The following TIGAR variants were observed in gnomAD, a reference collection of about 807,000 sequenced individuals.
The protein encoded by TIGAR is TP53 induced glycolysis regulatory phosphatase, also known as fructose-2,6-bisphosphatase TIGAR.
TIGAR carries 7 observed loss-of-function variants against 17.9 expected under a neutral mutation model. That is an observed-to-expected ratio of 0.39 (90% CI 0.22 to 0.73). The LOEUF (loss-of-function observed/expected upper bound fraction) is 0.73. TIGAR is among the 30% of genes least tolerant of loss of function. TIGAR has a pLI of 0.42. For missense variants in TIGAR, 258 were observed against 327.4 expected (o/e 0.79, Z 1.64); for synonymous variants, 94 against 108.6 (o/e 0.87, Z 0.84).
chr12:4,345,348 A>G (rs1254242481), intron 3 of TIGAR, among the ~76,000 whole-genome samples: 2 of 152,348 alleles, frequency 1.3e-5, no homozygotes, highest in Admixed American at 6.5e-5. Flanking sequence ...ACGCTACCTG[A>G]CTTCAAACTA....
At chr12:4,344,675 GC>G (rs1864760760) in intron 3 of TIGAR, among the ~76,000 whole-genome samples, 1 of 152,038 alleles carries the variant, frequency 6.6e-6, no homozygotes, top group African/African-American at 2.4e-5. Flanking sequence ...AAATTCAACA[GC>G]CCTTCATGCT....
rs181510958 is a variant in TIGAR, at chr12:4,358,490, G to A, written c.*5799G>A. 3.5e-4 allele frequency among the ~76,000 whole-genome samples: 54 copies of A among 152,208 alleles called. No homozygotes were observed. The highest frequency in any genetic ancestry group is 3.1e-3 in the East Asian group (16 of 5,190). On this transcript the variant is annotated 3_prime_UTR_variant, in exon 6 of 6. Coordinates refer to ENST00000179259, the MANE Select transcript of TIGAR (RefSeq NM_020375.3). Reference sequence around the variant, plus strand: ...CACTTGCTTACCTGTTGTCCCACTTGCTTTGCCATTTTTTCTCTCTCCCTC... The same window carrying A: ...CACTTGCTTACCTGTTGTCCCACTTACTTTGCCATTTTTTCTCTCTCCCTC...
At chr12:4,332,662 A>G (rs1864616982) in intron 2 of TIGAR, among the ~76,000 whole-genome samples, 1 of 152,220 alleles carries the variant, frequency 6.6e-6, no homozygotes, top group Admixed American at 6.5e-5. Context: ...GACTTCCATT[A>G]TAAATGCTTT....
Position 4,353,946 on chromosome 12 carries a change from C to G in TIGAR, c.*1255C>G, listed in dbSNP as rs1864867986. ...AGGTGAGGTTGCCTCTTCTTTCCAC[C>G]AGATGGCACTGGAGAAAAGGGATTT... On this transcript the variant is annotated 3_prime_UTR_variant, in exon 6 of 6. Coordinates refer to ENST00000179259, the MANE Select transcript of TIGAR (RefSeq NM_020375.3). 1 of 152,508 alleles carries G rather than the reference C, an allele frequency of 6.6e-6. No individual in the cohort carries two copies. The highest frequency in any genetic ancestry group is 6.6e-5 in the Admixed American group (1 of 15,266). 9.4% of individuals were successfully genotyped at this position (152,508 alleles called of 1,614,324 possible).
At chr12:4,341,044 C>T (rs1178766799) in intron 3 of TIGAR, among the ~76,000 whole-genome samples, 3 of 152,138 alleles carry the variant, frequency 2.0e-5, no homozygotes, top group African/African-American at 7.2e-5. Flanking sequence ...CAAATGGGAT[C>T]ACATCAAGTT....
chr12:4,335,106 TGACTC>T (rs1188462458), intron 2 of TIGAR, among the ~76,000 whole-genome samples: 1 of 152,090 alleles, frequency 6.6e-6, no homozygotes, highest in African/African-American at 2.4e-5. Flanking sequence ...GGTGTGATCT[TGACTC>T]ACTGCAACCT....
At chr12:4,324,606 C>A (rs1864518389) in intron 1 of TIGAR, 15 of 1,572,378 alleles carry the variant, frequency 9.5e-6, no homozygotes, top group Non-Finnish European at 1.2e-5. Context: ...TCTCCATGGG[C>A]GGTGCCTCCT....
rs764170247 is a variant in TIGAR, at chr12:4,358,398, A to G, written c.*5707A>G. 2.6e-5 allele frequency among the ~76,000 whole-genome samples: 4 copies of G among 152,124 alleles called. No homozygotes were observed. The highest frequency in any genetic ancestry group is 4.4e-5 in the Non-Finnish European group (3 of 68,030). ...TTTGGTAATCTTTTATCTTGGATTT[A>G]TCAAACCTACAGAAAAGTTGCAAGA... On this transcript the variant is annotated 3_prime_UTR_variant, in exon 6 of 6. Transcript: ENST00000179259.
At position 4,349,914 on chromosome 12, in the gene TIGAR, A is replaced by AT. The variant is rs1864819693; in HGVS notation, c.270+19dup. On this transcript the variant is annotated intron_variant, in intron 4 of 5. Transcript: ENST00000179259. ...GGGAAAGGGTGAGTAACTTATTTAC[A>AT]TATTGTTCTTCCCCATAAATTATCA... is the stretch of plus-strand genomic sequence containing the variant. 3.3e-6 allele frequency: 5 copies of AT among 1,513,130 alleles called. No homozygotes were observed. The highest frequency in any genetic ancestry group is 3.6e-6 in the Non-Finnish European group (4 of 1,126,490). The allele number at this position is 1,513,130 out of a possible 1,614,324, so 93.7% of individuals were successfully genotyped here.
At chr12:4,347,996 T>C (rs952867573) in intron 3 of TIGAR, among the ~76,000 whole-genome samples, 1 of 151,712 alleles carries the variant, frequency 6.6e-6, no homozygotes, top group African/African-American at 2.4e-5. Context: ...GTTAGCTGAG[T>C]GTGGTGGCAC....
intron 1 of TIGAR, among the ~76,000 whole-genome samples, chr12:4,326,308 G>A (rs1864545591): frequency 6.6e-6 from 1 of 152,114 alleles, no homozygotes; most frequent in African/African-American, 2.4e-5. Context: ...CTTGGTTAAG[G>A]GAAATAGATT....
At chr12:4,345,850 A>C (rs1378115687) in intron 3 of TIGAR, among the ~76,000 whole-genome samples, 1 of 152,264 alleles carries the variant, frequency 6.6e-6, no homozygotes, top group Admixed American at 6.5e-5. Flanking sequence ...AAATTTTTCC[A>C]ATCTACTCAT....
At chr12:4,333,860 A>G (rs61909230) in intron 2 of TIGAR, among the ~76,000 whole-genome samples, 9,151 of 152,274 alleles carry the variant, frequency 0.06, 391 homozygotes, top group Non-Finnish European at 0.089. Context: ...TTGGCCTCCC[A>G]AAGTGTTGGG....
At chr12:4,349,030 G>A (rs1327210065) in intron 3 of TIGAR, among the ~76,000 whole-genome samples, 1 of 152,132 alleles carries the variant, frequency 6.6e-6, no homozygotes. Context: ...AATACAATTG[G>A]AATTAAGGCT....
chr12:4,351,610 A>G (rs1205008235), intron 5 of TIGAR, among the ~76,000 whole-genome samples: 3 of 152,216 alleles, frequency 2.0e-5, no homozygotes, highest in Non-Finnish European at 4.4e-5. Context: ...TACTTCTAAA[A>G]AAGACCTTTG....
chr12:4,324,337 T>G (rs1480422458), intron 1 of TIGAR: 1 of 751,198 alleles, frequency 1.3e-6, no homozygotes, highest in African/African-American at 1.8e-5. Flanking sequence ...TTTTTTTTTT[T>G]TTTGGAAATA....
chr12:4,347,744 G>T (rs1167728843), intron 3 of TIGAR, among the ~76,000 whole-genome samples: 1 of 152,146 alleles, frequency 6.6e-6, no homozygotes, highest in African/African-American at 2.4e-5. Flanking sequence ...GAAAACCTCA[G>T]TGGAAGTACT....
chr12:4,346,900 C>T (rs989248301), intron 3 of TIGAR, among the ~76,000 whole-genome samples: 2 of 152,038 alleles, frequency 1.3e-5, no homozygotes, highest in African/African-American at 4.8e-5. Context: ...GGCAATAACA[C>T]ATGCAGGCAA....
chr12:4,342,109 T>C (rs1864729694), intron 3 of TIGAR, among the ~76,000 whole-genome samples: 1 of 152,174 alleles, frequency 6.6e-6, no homozygotes, highest in Non-Finnish European at 1.5e-5. Context: ...CAGTAGCCAA[T>C]TCGATCAACT....
Sources: gnomAD v4.1 joint callset for allele counts (sites outside exome capture counted in the v4.1 genomes callset) on GRCh38, gnomAD v4.1.1 for gene constraint, MANE v1.5 for transcripts, NCBI Gene and HGNC (gene_info 2026-07-23, HGNC 2026-07-21) for gene names.